Variants in AVL9 observed in about 807,000 individuals in gnomAD.
The protein encoded by AVL9 is late secretory pathway protein AVL9 homolog.
AVL9 carries 49 observed loss-of-function variants against 79.2 expected under a neutral mutation model. The ratio of observed to expected loss-of-function variants is 0.62; its 90% confidence interval spans 0.49 to 0.79. The LOEUF (loss-of-function observed/expected upper bound fraction) is 0.79, where lower values mean the gene tolerates loss of function less well. Ranked by LOEUF, AVL9 falls within the 30% of genes least tolerant of loss-of-function variation. AVL9 has a pLI of 0.00. For missense variants in AVL9, 682 were observed against 776.8 expected (o/e 0.88, Z 1.45); for synonymous variants, 299 against 280.6 (o/e 1.07, Z -0.65).
rs1248601365 is a variant in AVL9 at position 32,588,450 on chromosome 7, T to C, written c.*4543T>C. ...AGTTTAAATATTTATGATTAAAGGCTTTTCACAAACCTTTTTAAAGAAAAT... is the reference window on the plus strand; with the variant it reads ...AGTTTAAATATTTATGATTAAAGGCCTTTCACAAACCTTTTTAAAGAAAAT... On this transcript the variant is annotated 3_prime_UTR_variant, in exon 16 of 16. Transcript: ENST00000318709. The C allele has an allele frequency of 6.6e-6, 1 of 152,212 alleles. No homozygotes were observed. Among genetic ancestry groups the C allele is most frequent in the Non-Finnish European group, 1.5e-5 (1 of 68,040 alleles). The allele number at this position is 152,212 out of a possible 1,614,324, so 9.4% of individuals were successfully genotyped here.
At chr7:32,545,380 T>TTC (rs1375110038) in intron 3 of AVL9, among the ~76,000 whole-genome samples, 1 of 138,114 alleles carries the variant, frequency 7.2e-6, no homozygotes, top group African/African-American at 2.8e-5. Context: ...TTTTTTTTTT[T>TTC]TTTTTTTTTG....
At chr7:32,556,731 C>T (rs1204857818) in intron 8 of AVL9, among the ~76,000 whole-genome samples, 2 of 152,090 alleles carry the variant, frequency 1.3e-5, no homozygotes, top group African/African-American at 4.8e-5. Flanking sequence ...TCATGTTATG[C>T]AGCCATCATC....
chr7:32,579,576 A>G (rs960290511), intron 13 of AVL9, among the ~76,000 whole-genome samples: 1 of 1,140 alleles, frequency 8.8e-4, no homozygotes, highest in African/African-American at 2.5e-3. Flanking sequence ...ATATTATATT[A>G]TATATTATAT....
chr7:32,521,859 G>A (rs1788170450), intron 1 of AVL9, among the ~76,000 whole-genome samples: 1 of 152,186 alleles, frequency 6.6e-6, no homozygotes, highest in South Asian at 2.1e-4. Flanking sequence ...GCAACCTAGG[G>A]ATGTGGCACC....
rs1790947160 is a variant in AVL9 at position 32,573,379 on chromosome 7, G to C, written c.1531G>C (p.Val511Leu). 6.2e-7 allele frequency: 1 copy of C among 1,613,656 alleles called. No homozygotes were observed. The highest frequency in any genetic ancestry group is 8.5e-7 in the Non-Finnish European group (1 of 1,180,010). The change falls in exon 12 of 16, where the codon GTC (valine) becomes CTC (leucine). Residue 511 changes from valine to leucine, a missense_variant. By Grantham distance (32) the Val-to-Leu change is conservative. Transcript: ENST00000318709. ...CGAATGGATCCGGGCCCAGTTTGCG[G>C]TCTACATTCATGCCCTGCTGGCTGC... ...GDEWIRAQFA[V>L]YIHALLAATL... is the part of the protein sequence containing the mutation.
chr7:32,554,836 C>T (rs1789988902), intron 8 of AVL9, among the ~76,000 whole-genome samples: 1 of 152,136 alleles, frequency 6.6e-6, no homozygotes, highest in Admixed American at 6.5e-5. Flanking sequence ...CATATTGGCT[C>T]ACTTTGGATT....
intron 1 of AVL9, among the ~76,000 whole-genome samples, chr7:32,526,979 C>T (rs1306134858): frequency 2.0e-5 from 3 of 152,106 alleles, no homozygotes; most frequent in Non-Finnish European, 2.9e-5. Context: ...GGATATTCCC[C>T]GGGGACCCCT....
At chr7:32,547,976 G>A (rs1364599746) in intron 3 of AVL9, among the ~76,000 whole-genome samples, 2 of 152,150 alleles carry the variant, frequency 1.3e-5, no homozygotes, top group Non-Finnish European at 2.9e-5. Flanking sequence ...GAAGAGGACT[G>A]TAGAAATCTC....
chr7:32,526,458 T>C (rs192114643), intron 1 of AVL9, among the ~76,000 whole-genome samples: 1 of 152,176 alleles, frequency 6.6e-6, no homozygotes, highest in East Asian at 1.9e-4. Flanking sequence ...TGGCGAAGGG[T>C]AAGGACCTCT....
chr7:32,570,626 CTTTTTT>C (rs71559238), intron 11 of AVL9, among the ~76,000 whole-genome samples: 2 of 144,738 alleles, frequency 1.4e-5, no homozygotes, highest in African/African-American at 5.1e-5. Context: ...AATCTTTTTT[CTTTTTT>C]TTTTTTGAGA....
intron 1 of AVL9, among the ~76,000 whole-genome samples, chr7:32,517,112 G>A (rs1417670402): frequency 1.3e-5 from 2 of 152,018 alleles, no homozygotes; most frequent in Non-Finnish European, 2.9e-5. Flanking sequence ...AATATCTCCT[G>A]GCTAGAGTTC....
Position 32,585,345 on chromosome 7 carries a change from C to G in AVL9, c.*1438C>G. 6.6e-6 allele frequency: 1 copy of G among 152,178 alleles called. No individual in the cohort carries two copies. Among genetic ancestry groups the G allele is most frequent in the East Asian group, 1.9e-4 (1 of 5,186 alleles). The allele number at this position is 152,178 out of a possible 1,614,324, so 9.4% of individuals were successfully genotyped here. A position where few individuals can be genotyped will look rare whatever the true frequency, so the allele number is the denominator to read the frequency against. Reference sequence around the variant, plus strand: ...ACATCTGTCATCTGAGAAAGGATATCTGGTTTCATGTTAGGCACATACATG... The same window carrying G: ...ACATCTGTCATCTGAGAAAGGATATGTGGTTTCATGTTAGGCACATACATG... On this transcript the variant is annotated 3_prime_UTR_variant, in exon 16 of 16. Transcript: ENST00000318709.
At chr7:32,570,626 CTTTTTTT>C (rs71559238) in intron 11 of AVL9, among the ~76,000 whole-genome samples, 250 of 144,786 alleles carry the variant, frequency 1.7e-3, no homozygotes, top group African/African-American at 6.1e-3. Flanking sequence ...AATCTTTTTT[CTTTTTTT>C]TTTTTGAGAC....
chr7:32,539,707 A>C (rs1221192800), intron 1 of AVL9, among the ~76,000 whole-genome samples: 1 of 152,216 alleles, frequency 6.6e-6, no homozygotes, highest in East Asian at 1.9e-4. Flanking sequence ...AAATTTATTA[A>C]AGTTCTGAGG....
intron 1 of AVL9, 134 bp from the exon 2 acceptor site, chr7:32,543,007 T>A: frequency 9.1e-7 from 1 of 1,100,302 alleles, no homozygotes; most frequent in Non-Finnish European, 1.3e-6. Flanking sequence ...GGTTTGCTGA[T>A]GATATCAAAT....
intron 11 of AVL9, among the ~76,000 whole-genome samples, chr7:32,571,975 A>C (rs2128149603): frequency 6.6e-6 from 1 of 152,224 alleles, no homozygotes; most frequent in Non-Finnish European, 1.5e-5. Context: ...CATCCTGGCT[A>C]ACATGGTGAA....
rs117759453 is a variant in AVL9 at position 32,569,784 on chromosome 7, C to T, written c.1216-236C>T. On this transcript the variant is annotated intron_variant, in intron 10 of 15. Transcript: ENST00000318709. ...AAGAAAGACAACCTTCATATTAAAC[C>T]ACCTTGCCAAGATTTGACCATTCAT... Among the ~76,000 whole-genome samples the T allele has an allele frequency of 2.6e-4, 39 of 152,246 alleles. No individual in the cohort carries two copies. In the East Asian group the frequency reaches 6.0e-3, roughly 23 times the overall value.
In AVL9 at chr7:32,504,281, A is replaced by G. The variant is rs1220318162; in HGVS notation, c.93+8479A>G. 2.6e-5 allele frequency among the ~76,000 whole-genome samples: 4 copies of G among 152,172 alleles called. No individual in the cohort carries two copies. The East Asian group carries it at 7.7e-4, about 29-fold the overall frequency. ...TTCTAATTTTTTTCCTGTAAGAAAAATGGTTTTTATAGCTTTGATGACATC... is the reference window on the plus strand; with the variant it reads ...TTCTAATTTTTTTCCTGTAAGAAAAGTGGTTTTTATAGCTTTGATGACATC... On this transcript the variant is annotated intron_variant, in intron 1 of 15. Transcript: ENST00000318709.
intron 1 of AVL9, among the ~76,000 whole-genome samples, chr7:32,530,073 A>G (rs6462376): frequency 0.95 from 144,144 of 152,266 alleles, 68,723 homozygotes; most frequent in East Asian, 1. Context: ...AAGACAAAAC[A>G]CATTCTATTT....
Sources: allele counts gnomAD v4.1 joint callset (sites outside exome capture counted in the v4.1 genomes callset), GRCh38; gene constraint gnomAD v4.1.1; transcripts MANE v1.5; gene names NCBI Gene and HGNC (gene_info 2026-07-23, HGNC 2026-07-21).